The following EVC2 variants were observed in gnomAD, a reference collection of about 807,000 sequenced individuals.
The protein encoded by EVC2 is EvC ciliary complex subunit 2, also known as limbin.
Under a neutral mutation model 149.3 loss-of-function variants are expected in EVC2, and 148 were observed. That is an observed-to-expected ratio of 0.99 (90% CI 0.87 to 1.14). The LOEUF is 1.14. EVC2 is among the 50% of genes most tolerant of loss of function. The pLI, the probability that EVC2 is intolerant of heterozygous loss-of-function variation, is 0.00. For missense variants in EVC2, 1,854 were observed against 1,627.3 expected (o/e 1.14, Z -2.40); for synonymous variants, 776 against 649.9 (o/e 1.19, Z -2.95).
At chr4:5,542,557 G>A (rs1416211289), downstream of EVC2, among the ~76,000 whole-genome samples, 2 of 152,232 alleles carry the variant, frequency 1.3e-5, no homozygotes, top group African/African-American at 2.4e-5. Flanking sequence ...CTTGTCATCT[G>A]AGGAGGATGC....
At chr4:5,591,743 G>C (rs1425066483) in intron 16 of EVC2, among the ~76,000 whole-genome samples, 1 of 152,114 alleles carries the variant, frequency 6.6e-6, no homozygotes, top group Non-Finnish European at 1.5e-5. Context: ...TCTCTAGAGA[G>C]GGTTTTAATC....
At chr4:5,540,136 C>T (rs759829237), downstream of EVC2, among the ~76,000 whole-genome samples, 2 of 152,168 alleles carry the variant, frequency 1.3e-5, no homozygotes, top group African/African-American at 4.8e-5. Flanking sequence ...AAAGAGAAAT[C>T]GCTGCTTGAC....
chr4:5,576,102 G>A lies in EVC2; in HGVS notation c.3272+138C>T, dbSNP rs992348699. 29 of 1,354,670 alleles carry A rather than the reference G, an allele frequency of 2.1e-5. No individual in the cohort carries two copies. In the Admixed American group the frequency reaches 2.3e-4, roughly 11 times the overall value. 83.9% of individuals were successfully genotyped at this position (1,354,670 alleles called of 1,614,324 possible). ...GAGTATGCTACAAAGCCAGCAGCTC[G>A]TGTTGGAGCAATGGGATGACACCTT... On this transcript the variant is annotated intron_variant, in intron 18 of 21. Transcript: ENST00000344408. The surrounding 1 kb of genome is among the most constrained non-coding windows in gnomAD (Gnocchi z 4.5).
chr4:5,655,668 A>C (rs1345979621), intron 9 of EVC2, among the ~76,000 whole-genome samples: 1 of 151,780 alleles, frequency 6.6e-6, no homozygotes, highest in Non-Finnish European at 1.5e-5. Flanking sequence ...CTGTGCTGAG[A>C]GCCTCAGAGG....
chr4:5,631,966 A>C lies in EVC2; in HGVS notation c.1537T>G (p.Ser513Ala), dbSNP rs781684494. The C allele has an allele frequency of 6.2e-7, 1 of 1,614,168 alleles. No individual in the cohort carries two copies. The highest frequency in any genetic ancestry group is 8.5e-7 in the Non-Finnish European group (1 of 1,180,038). ...HGLEQEHLRKSLALQQEEDFA... is the reference protein window; with the variant it reads ...HGLEQEHLRKALALQQEEDFA... The stretch of plus-strand genomic sequence containing the variant: ...TCTTCTTCTTGTTGCAAAGCGAGAG[A>C]CTTCCTCAAGTGCTCCTGTTCCAGG... Residue 513 changes from serine (S) to alanine (A), a missense_variant, in exon 11 of 22, where the codon TCT becomes GCT. By Grantham distance (99) the Ser-to-Ala change is moderately conservative. Transcript: ENST00000344408.
chr4:5,618,816 C>T lies in EVC2; in HGVS notation c.2502-134G>A. On this transcript the variant is annotated intron_variant, in intron 14 of 21. Coordinates refer to ENST00000344408, the MANE Select transcript of EVC2 (RefSeq NM_147127.5). The surrounding 1 kb of genome is among the most constrained non-coding windows in gnomAD (Gnocchi z 4.4). ...AAAAAGCACTGGCTCCTTAATCATG[C>T]ATTCCTGCCACAGGCATTCCTTGAG... 1 of 823,294 alleles carries T rather than the reference C, an allele frequency of 1.2e-6. No homozygotes were observed. Among genetic ancestry groups the T allele is most frequent in the Non-Finnish European group, 2.0e-6 (1 of 495,622 alleles). 51.0% of individuals were successfully genotyped at this position (823,294 alleles called of 1,614,324 possible).
At position 5,599,754 on chromosome 4, in the gene EVC2, G is replaced by A. The variant is rs918717015; in HGVS notation, c.2830-14904C>T. ...AATAAAAGAAGATTCCCATTCTAGC[G>A]GCTGGTCCTGTTAAAAATCAGGTTA... On this transcript the variant is annotated intron_variant, in intron 16 of 21. Coordinates refer to ENST00000344408, the MANE Select transcript of EVC2 (RefSeq NM_147127.5). Among the ~76,000 whole-genome samples the A allele has an allele frequency of 5.9e-5, 9 of 152,054 alleles. No individual in the cohort carries two copies. In the South Asian group the frequency reaches 8.3e-4, roughly 14 times the overall value.
chr4:5,570,407 C>G (rs979442190), intron 19 of EVC2, among the ~76,000 whole-genome samples: 4 of 152,176 alleles, frequency 2.6e-5, no homozygotes, highest in Admixed American at 6.5e-5. Flanking sequence ...CCAGACAAGT[C>G]AATTCACCAG....
In EVC2 at chr4:5,637,494, T is replaced by A. The variant is rs1296231518; in HGVS notation, c.1470+3020A>T. The stretch of plus-strand genomic sequence containing the variant: ...GCTTGGAACAATGCCAGACACACCA[T>A]GCATGCTAAGGAAGGATGAGCTGTT... On this transcript the variant is annotated intron_variant, in intron 10 of 21. Transcript: ENST00000344408. This position sits in a 1 kb window ranked among gnomAD's most constrained non-coding sequence, Gnocchi z 4.4. 6.6e-6 allele frequency among the ~76,000 whole-genome samples: 1 copy of A among 152,184 alleles called. No individual in the cohort carries two copies. Among genetic ancestry groups the A allele is most frequent in the African/African-American group, 2.4e-5 (1 of 41,454 alleles).
At position 5,622,004 on chromosome 4, in the gene EVC2, G is replaced by T. The variant is rs1337546139; in HGVS notation, c.2501+533C>A. The stretch of plus-strand genomic sequence containing the variant: ...ATAGCCCGAGAAATGGACCAGGGAT[G>T]AAAGGGCCAGGTGAAAAGATGATGC... On this transcript the variant is annotated intron_variant, in intron 14 of 21. Coordinates refer to ENST00000344408, the MANE Select transcript of EVC2 (RefSeq NM_147127.5). This position sits in a 1 kb window ranked among gnomAD's most constrained non-coding sequence, Gnocchi z 5.8. Among the ~76,000 whole-genome samples the T allele has an allele frequency of 6.6e-6, 1 of 152,156 alleles. No individual in the cohort carries two copies. Among genetic ancestry groups the T allele is most frequent in the Non-Finnish European group, 1.5e-5 (1 of 68,032 alleles).
At chr4:5,530,640 C>T in the EVC2 span, among the ~76,000 whole-genome samples, 1 of 152,148 alleles carries the variant, frequency 6.6e-6, no homozygotes, top group Admixed American at 6.5e-5. Flanking sequence ...TAGACTTATT[C>T]ATCCTACATG....
At chr4:5,555,141 C>T (rs1025023773) in intron 21 of EVC2, among the ~76,000 whole-genome samples, 2 of 150,836 alleles carry the variant, frequency 1.3e-5, no homozygotes, top group Non-Finnish European at 2.9e-5. Flanking sequence ...GTATAGCCAC[C>T]AAAGTCATTT....
chr4:5,610,413 A>C (rs1244503471), intron 16 of EVC2, among the ~76,000 whole-genome samples: 1 of 152,204 alleles, frequency 6.6e-6, no homozygotes, highest in Non-Finnish European at 1.5e-5. Flanking sequence ...TCAGTGCATA[A>C]GACAAAAACG....
chr4:5,605,198 G>C (rs1714287590), intron 16 of EVC2, among the ~76,000 whole-genome samples: 1 of 152,166 alleles, frequency 6.6e-6, no homozygotes, highest in Admixed American at 6.5e-5. Context: ...TATTTGGGGG[G>C]AGTCAGATGT....
chr4:5,616,798 A>G (rs1315475955), intron 15 of EVC2, among the ~76,000 whole-genome samples: 1 of 151,908 alleles, frequency 6.6e-6, no homozygotes, highest in Admixed American at 6.5e-5. Context: ...TGGAGCGAGC[A>G]CCTTCGCGAA....
chr4:5,585,296 T>A (rs1238214652), intron 16 of EVC2, among the ~76,000 whole-genome samples: 2 of 152,122 alleles, frequency 1.3e-5, no homozygotes, highest in African/African-American at 2.4e-5. Flanking sequence ...AGCTGTGCGC[T>A]GTGCTCTACA....
intron 16 of EVC2, among the ~76,000 whole-genome samples, chr4:5,607,829 C>T (rs940772618): frequency 6.6e-6 from 1 of 151,922 alleles, no homozygotes; most frequent in Non-Finnish European, 1.5e-5. Flanking sequence ...CTTAAAACTG[C>T]GTCACACAGA....
At chr4:5,534,937 TA>T in the EVC2 span, among the ~76,000 whole-genome samples, 37,040 of 150,926 alleles carry the variant, frequency 0.25, 5,227 homozygotes, top group East Asian at 0.67. Flanking sequence ...CAGGAGAATT[TA>T]AAAAAAAAAT....
chr4:5,665,909 C>G (rs139970496), intron 7 of EVC2, among the ~76,000 whole-genome samples: 3 of 152,128 alleles, frequency 2.0e-5, no homozygotes, highest in East Asian at 1.9e-4. Context: ...TCCAGCCGCA[C>G]GCCTAGCACA....
Sources: allele counts gnomAD v4.1 joint callset (sites outside exome capture counted in the v4.1 genomes callset), GRCh38; gene constraint gnomAD v4.1.1; non-coding constraint Gnocchi (gnomAD v3.1); transcripts MANE v1.5; gene names NCBI Gene and HGNC (gene_info 2026-07-23, HGNC 2026-07-21).